Variants in FHIT observed in about 807,000 individuals in gnomAD.
FHIT encodes the protein fragile histidine triad diadenosine triphosphatase.
FHIT carries 19 observed loss-of-function variants against 17.9 expected under a neutral mutation model. That is an observed-to-expected ratio of 1.06 (90% confidence interval 0.74 to 1.56). The LOEUF (loss-of-function observed/expected upper bound fraction) is 1.56, where lower values mean the gene tolerates loss of function less well. Ranked by LOEUF, FHIT falls within the 40% of genes most tolerant of loss-of-function variation. FHIT has a pLI of 0.00. For synonymous variants in FHIT, 81 were observed against 69.7 expected (o/e 1.16, Z -0.81); for missense variants, 248 against 189.2 (o/e 1.31, Z -1.82).
chr3:59,989,444 T>G (rs1709130213), intron 7 of FHIT, among the ~76,000 whole-genome samples: 1 of 152,022 alleles, frequency 6.6e-6, no homozygotes, highest in Non-Finnish European at 1.5e-5. Flanking sequence ...ACACTCAGGT[T>G]AACATTCACT....
At chr3:60,171,673 T>C (rs2107404925) in intron 5 of FHIT, among the ~76,000 whole-genome samples, 1 of 152,322 alleles carries the variant, frequency 6.6e-6, no homozygotes, top group South Asian at 2.1e-4. Flanking sequence ...CCTTCCTTCA[T>C]TCCACATTCA....
At chr3:60,132,542 A>G (rs1699639726) in intron 5 of FHIT, among the ~76,000 whole-genome samples, 1 of 152,226 alleles carries the variant, frequency 6.6e-6, no homozygotes, top group South Asian at 2.1e-4. Flanking sequence ...GCCCTTTAAC[A>G]TATTTAATAT....
At chr3:60,459,236 T>A in intron 5 of FHIT, among the ~76,000 whole-genome samples, 1 of 152,200 alleles carries the variant, frequency 6.6e-6, no homozygotes, top group Admixed American at 6.6e-5. Flanking sequence ...TTTTAAGGGT[T>A]GAGCCAGAAA....
chr3:60,219,267 G>A (rs536967750), intron 5 of FHIT, among the ~76,000 whole-genome samples: 3 of 152,088 alleles, frequency 2.0e-5, no homozygotes, highest in Admixed American at 6.6e-5. Flanking sequence ...AAATACTAAC[G>A]TTCCTAGGCC....
intron 4 of FHIT, among the ~76,000 whole-genome samples, chr3:60,787,489 A>G (rs1553727292): frequency 6.6e-6 from 1 of 152,192 alleles, no homozygotes; most frequent in African/African-American, 2.4e-5. Flanking sequence ...TAATTGTTTA[A>G]CATCTGTGTC....
intron 5 of FHIT, among the ~76,000 whole-genome samples, chr3:60,256,843 T>C (rs554330329): frequency 2.4e-4 from 36 of 152,326 alleles, no homozygotes; most frequent in Admixed American, 5.9e-4. Flanking sequence ...CACTCTATGA[T>C]CTTACTAATA....
intron 5 of FHIT, among the ~76,000 whole-genome samples, chr3:60,067,435 T>C (rs1159326174): frequency 2.0e-5 from 3 of 152,094 alleles, no homozygotes; most frequent in Non-Finnish European, 4.4e-5. Flanking sequence ...CTAAAACAAA[T>C]GGGCAGTCAA....
At chr3:60,530,545 A>G (rs542111951) in intron 5 of FHIT, among the ~76,000 whole-genome samples, 1 of 152,318 alleles carries the variant, frequency 6.6e-6, no homozygotes, top group African/African-American at 2.4e-5. Flanking sequence ...AACTTGGGAG[A>G]GGAAGAGACT....
At chr3:60,104,567 TGC>T (rs1559635682) in intron 5 of FHIT, among the ~76,000 whole-genome samples, 9 of 151,246 alleles carry the variant, frequency 6.0e-5, no homozygotes, top group African/African-American at 1.9e-4. Context: ...AGAATTGCAA[TGC>T]AGTGAATAGT....
At chr3:60,671,117 T>G (rs962918956) in intron 4 of FHIT, among the ~76,000 whole-genome samples, 4 of 152,214 alleles carry the variant, frequency 2.6e-5, no homozygotes, top group African/African-American at 9.6e-5. Context: ...CTCAGTGTCT[T>G]CAAGGAACAC....
chr3:60,911,535 G>A (rs1553765886), intron 3 of FHIT, among the ~76,000 whole-genome samples: 1 of 152,130 alleles, frequency 6.6e-6, no homozygotes, highest in Non-Finnish European at 1.5e-5. Context: ...TTTAAACCCA[G>A]ATCATTCATG....
intron 7 of FHIT, among the ~76,000 whole-genome samples, chr3:59,964,155 G>A (rs999593075): frequency 2.6e-5 from 4 of 152,078 alleles, no homozygotes; most frequent in African/African-American, 9.7e-5. Context: ...TAAATTTTTG[G>A]TTAATGTCTC....
At chr3:60,851,746 T>G (rs1703162258) in intron 3 of FHIT, among the ~76,000 whole-genome samples, 1 of 152,142 alleles carries the variant, frequency 6.6e-6, no homozygotes, top group Admixed American at 6.5e-5. Context: ...ATAGACAGAT[T>G]ATTATATTCA....
At chr3:61,169,179 T>C (rs1270824078) in intron 2 of FHIT, among the ~76,000 whole-genome samples, 1 of 152,240 alleles carries the variant, frequency 6.6e-6, no homozygotes, top group African/African-American at 2.4e-5. Flanking sequence ...GTCTTTGAGC[T>C]ATTTTGCACC....
chr3:60,288,515 C>T lies in FHIT; in HGVS notation c.103+248345G>A, dbSNP rs561285540. Among the ~76,000 whole-genome samples the T allele has an allele frequency of 2.6e-5, 4 of 152,034 alleles. No individual in the cohort carries two copies. In the East Asian group the frequency reaches 7.7e-4, roughly 29 times the overall value. ...CAAAGTGACTGTGGTCCAGCACTTG[C>T]TCCACGAATTGCAAACCTCCTTAAT... On this transcript the variant is annotated intron_variant, in intron 5 of 9. Coordinates refer to ENST00000492590, the MANE Select transcript of FHIT (RefSeq NM_002012.4).
chr3:60,338,513 T>C (rs993445772), intron 5 of FHIT, among the ~76,000 whole-genome samples: 1 of 152,228 alleles, frequency 6.6e-6, no homozygotes, highest in African/African-American at 2.4e-5. Flanking sequence ...GTATTTTATT[T>C]ACATCCATAG....
intron 5 of FHIT, among the ~76,000 whole-genome samples, chr3:60,250,503 G>A (rs1360329048): frequency 6.6e-6 from 1 of 152,122 alleles, no homozygotes; most frequent in Non-Finnish European, 1.5e-5. Context: ...GCAAAGTTCA[G>A]CAGCAGTAAA....
At chr3:60,292,996 C>G (rs1708056195) in intron 5 of FHIT, among the ~76,000 whole-genome samples, 1 of 152,078 alleles carries the variant, frequency 6.6e-6, no homozygotes, top group African/African-American at 2.4e-5. Flanking sequence ...CATAGCAACA[C>G]TAAATCAAAC....
In FHIT at chr3:60,159,704, T is replaced by C. The variant is rs182041821; in HGVS notation, c.104-145552A>G. On this transcript the variant is annotated intron_variant, in intron 5 of 9. Transcript: ENST00000492590. Reference sequence around the variant, plus strand: ...ATTTTATCCATCCAAAAAATCTACATGGTAGATGCTAGAATTATCCCCAGT... The same window carrying C: ...ATTTTATCCATCCAAAAAATCTACACGGTAGATGCTAGAATTATCCCCAGT... 2.0e-5 allele frequency among the ~76,000 whole-genome samples: 3 copies of C among 152,298 alleles called. No individual in the cohort carries two copies. The East Asian group carries it at 5.8e-4, about 29-fold the overall frequency.
Sources: gnomAD v4.1 joint callset for allele counts (sites outside exome capture counted in the v4.1 genomes callset) on GRCh38, gnomAD v4.1.1 for gene constraint, MANE v1.5 for transcripts, NCBI Gene and HGNC (gene_info 2026-07-23, HGNC 2026-07-21) for gene names.